RPS29: variants seen among roughly 807,000 people sequenced by gnomAD.
RPS29 encodes small ribosomal subunit protein uS14.
For synonymous variants in RPS29, 37 were observed against 26.9 expected (o/e 1.37, Z -1.16); for missense variants, 60 against 75.7 (o/e 0.79, Z 0.77).
exon 3 of RPS29, chr14:49,571,347 T>C (rs940177182): frequency 6.6e-6 from 1 of 152,234 alleles, no homozygotes; most frequent in African/African-American, 2.4e-5. Flanking sequence ...ACAGTATGTT[T>C]TCACATGCTT....
chr14:49,576,700 G>C (rs924949426), exon 3 of RPS29: 1 of 151,704 alleles, frequency 6.6e-6, no homozygotes, highest in Non-Finnish European at 1.5e-5. Context: ...CATGTTGTGA[G>C]AGGGACCCGG....
chr14:49,586,130 G>A lies in RPS29; in HGVS notation c.63-81C>T. On this transcript the variant is annotated intron_variant, in intron 1 of 2. Coordinates refer to ENST00000245458, the MANE Select transcript of RPS29 (RefSeq NM_001032.5). ...TCAGACGGCTACTACCCGCATCCCGGGACTCCCAAGCCACAGTACAGGCCT... is the reference window on the plus strand; with the variant it reads ...TCAGACGGCTACTACCCGCATCCCGAGACTCCCAAGCCACAGTACAGGCCT... 4 of 1,430,806 alleles carry A rather than the reference G, an allele frequency of 2.8e-6. No individual in the cohort carries two copies. In the Admixed American group the frequency reaches 5.1e-5, roughly 18 times the overall value. The allele number at this position is 1,430,806 out of a possible 1,614,324, so 88.6% of individuals were successfully genotyped here. A position where few individuals can be genotyped will look rare whatever the true frequency, so the allele number is the denominator to read the frequency against.
chr14:49,598,597 G>C (rs1881895132), exon 1 of RPS29: 1 of 701,882 alleles, frequency 1.4e-6, no homozygotes, highest in Admixed American at 2.0e-5. Context: ...GTAACGCAGA[G>C]GCACACCTGC....
At chr14:49,578,559 C>CTTTTTTTTTTTTTTTTTTTTT (rs60555753) in intron 2 of RPS29, among the ~76,000 whole-genome samples, 1 of 103,466 alleles carries the variant, frequency 9.7e-6, no homozygotes, top group Non-Finnish European at 1.8e-5. Flanking sequence ...AAAGCTTTCA[C>CTTTTTTTTTTTTTTTTTTTTT]TTTTTTTTTT....
exon 3 of RPS29, chr14:49,577,520 A>G (rs1424856314): frequency 1.8e-6 from 1 of 559,658 alleles, no homozygotes; most frequent in Non-Finnish European, 3.3e-6. Context: ...ACACAGTAAG[A>G]TTTGTTGCTC....
upstream of RPS29, among the ~76,000 whole-genome samples, chr14:49,588,370 C>T (rs1594576003): frequency 6.6e-6 from 1 of 152,304 alleles, no homozygotes; most frequent in Middle Eastern, 3.4e-3. Flanking sequence ...TGCAAAAGTG[C>T]AGCTAAGACG....
exon 3 of RPS29, chr14:49,577,433 T>C (rs1881213969): frequency 2.7e-6 from 1 of 368,658 alleles, no homozygotes; most frequent in South Asian, 2.6e-5. Flanking sequence ...TTGGCATTGG[T>C]GACTCTGATG....
At position 49,577,569 on chromosome 14, in the gene RPS29, G is replaced by T. The variant is rs1003190484; in HGVS notation, c.*243C>A. 21 of 638,916 alleles carry T rather than the reference G, an allele frequency of 3.3e-5. No homozygotes were observed. In the African/African-American group the frequency reaches 3.8e-4, roughly 12 times the overall value. The allele number at this position is 638,916 out of a possible 1,614,324, so 39.6% of individuals were successfully genotyped here. On this transcript the variant is annotated 3_prime_UTR_variant, in exon 3 of 3. Coordinates refer to the RPS29 transcript ENST00000396020. ...CCAGCTCCTTAACGTTGTGGACCAG[G>T]AACTTCCAGAAGCCACTGGGCAGTA...
chr14:49,593,692 CAAAAAAAAA>C (rs10647593), intron 1 of RPS29, among the ~76,000 whole-genome samples: 12 of 56,302 alleles, frequency 2.1e-4, no homozygotes, highest in South Asian at 1.2e-3. Context: ...GACTCTGTCT[CAAAAAAAAA>C]AAAAAAAAAA....
In RPS29 at chr14:49,586,063, G is replaced by C. The variant is rs201218026; in HGVS notation, c.63-14C>G. 9 of 1,609,468 alleles carry C rather than the reference G, an allele frequency of 5.6e-6. No homozygotes were observed. On this transcript the variant is annotated splice_polypyrimidine_tract_variant and intron_variant, in intron 1 of 2. Transcript: ENST00000245458. The stretch of plus-strand genomic sequence containing the variant: ...GAACAGACACGACTGTAAGAAAAGA[G>C]ACAGCGGTTTTGCAGGTCATAGAAA...
upstream of RPS29, among the ~76,000 whole-genome samples, chr14:49,590,610 T>C (rs998708522): frequency 3.3e-5 from 5 of 152,218 alleles, no homozygotes; most frequent in African/African-American, 1.2e-4. Flanking sequence ...CTAAAATACA[T>C]GTTTCGCATG....
chr14:49,585,594 A>G lies in RPS29; in HGVS notation c.162+356T>C, dbSNP rs557750095. On this transcript the variant is annotated intron_variant, in intron 2 of 2. Transcript: ENST00000245458. ...GGAGACCCTATCTCTAAAAAAAAAAAAAAGAGAATAGGTACTTACAAGATT... is the reference window on the plus strand; with the variant it reads ...GGAGACCCTATCTCTAAAAAAAAAAGAAAGAGAATAGGTACTTACAAGATT... 4.2e-5 allele frequency: 16 copies of G among 382,830 alleles called. 1 individual carries two copies. Among genetic ancestry groups the G allele is most frequent in the African/African-American group, 3.1e-4 (15 of 48,150 alleles). 23.7% of individuals were successfully genotyped at this position (382,830 alleles called of 1,614,324 possible). A position where few individuals can be genotyped will look rare whatever the true frequency, so the allele number is the denominator to read the frequency against.
chr14:49,585,429 G>C (rs1266981399), intron 2 of RPS29: 1 of 164,238 alleles, frequency 6.1e-6, no homozygotes, highest in East Asian at 1.7e-4. Context: ...AAATATCTAG[G>C]TACAGCCGCG....
chr14:49,579,172 T>A (rs565306769), downstream of RPS29, among the ~76,000 whole-genome samples: 3 of 152,312 alleles, frequency 2.0e-5, no homozygotes, highest in African/African-American at 7.2e-5. Flanking sequence ...AGTAGTTCCC[T>A]TATAAAATAA....
upstream of RPS29, chr14:49,586,579 C>A (rs530460514): frequency 2.5e-4 from 136 of 547,596 alleles, no homozygotes; most frequent in Non-Finnish European, 3.9e-4. Context: ...GGTATCCGAC[C>A]GCCGGGCGCG....
upstream of RPS29, among the ~76,000 whole-genome samples, chr14:49,589,498 C>T (rs767605726): frequency 1.3e-4 from 20 of 152,146 alleles, no homozygotes; most frequent in Non-Finnish European, 2.6e-4. Flanking sequence ...AATTTTCTTT[C>T]TCAAATTATT....
Position 49,583,634 on chromosome 14 carries a change from G to T in RPS29, c.*33C>A. On this transcript the variant is annotated 3_prime_UTR_variant, in exon 3 of 3. Coordinates refer to ENST00000245458, the MANE Select transcript of RPS29 (RefSeq NM_001032.5). Reference sequence around the variant, plus strand: ...AATTATCATGGTTTTTCATTGAGTAGATGCCCCGGATAATCCTCTGAAGGA... The same window carrying T: ...AATTATCATGGTTTTTCATTGAGTATATGCCCCGGATAATCCTCTGAAGGA... 6.4e-7 allele frequency: 1 copy of T among 1,574,450 alleles called. No individual in the cohort carries two copies. The highest frequency in any genetic ancestry group is 8.6e-7 in the Non-Finnish European group (1 of 1,162,546).
chr14:49,577,917 A>T, intron 2 of RPS29: 1 of 1,158,876 alleles, frequency 8.6e-7, no homozygotes, highest in Non-Finnish European at 1.3e-6. Context: ...AAATTCAATA[A>T]ATTTGTACTG....
exon 1 of RPS29, chr14:49,598,454 T>C (rs1226013496): frequency 1.4e-5 from 10 of 702,178 alleles, no homozygotes; most frequent in Non-Finnish European, 2.3e-5. Context: ...TACAGCCATA[T>C]AAAGCCCCCC....
Sources: gnomAD v4.1 joint callset for allele counts (sites outside exome capture counted in the v4.1 genomes callset) on GRCh38, gnomAD v4.1.1 for gene constraint, MANE v1.5 for transcripts, NCBI Gene and HGNC (gene_info 2026-07-23, HGNC 2026-07-21) for gene names.